Variants in LDLRAD4 observed in about 807,000 individuals in gnomAD.
The protein encoded by LDLRAD4 is low-density lipoprotein receptor class A domain-containing protein 4.
Under a neutral mutation model 17.0 loss-of-function variants are expected in LDLRAD4, and 5 were observed. The ratio of observed to expected loss-of-function variants is 0.29; its 90% CI spans 0.15 to 0.62. The LOEUF is 0.62. Among genes scored for constraint, LDLRAD4 ranks in the 20% least tolerant of loss-of-function variants. LDLRAD4 has a pLI of 0.84. For synonymous variants in LDLRAD4, 168 were observed against 171.8 expected, an observed-to-expected ratio of 0.98 and a Z score of 0.17; for missense variants, 340 against 424.7, an observed-to-expected ratio of 0.80 and a Z score of 1.75.
At position 13,637,828 on chromosome 18, in the gene LDLRAD4, T is replaced by G. The variant is rs940374173; in HGVS notation, c.337-5531T>G. ...TTGCAGTGAGCCAAGATCATGCCACTGCACTCCAGCCTGGGCAACAGAGCA... is the reference window on the plus strand; with the variant it reads ...TTGCAGTGAGCCAAGATCATGCCACGGCACTCCAGCCTGGGCAACAGAGCA... On this transcript the variant is annotated intron_variant, in intron 4 of 5. Transcript: ENST00000359446. Among the ~76,000 whole-genome samples the G allele has an allele frequency of 1.6e-4, 24 of 146,384 alleles. 1 individual carries two copies. Among genetic ancestry groups the G allele is most frequent in the African/African-American group, 6.1e-4 (24 of 39,054 alleles).
At chr18:13,234,055 G>A (rs919430666) in intron 1 of LDLRAD4, among the ~76,000 whole-genome samples, 10 of 152,260 alleles carry the variant, frequency 6.6e-5, no homozygotes, top group East Asian at 1.9e-4. Context: ...TCCAGCGTTC[G>A]TCCCAATATG....
chr18:13,230,129 A>G (rs867706004), intron 1 of LDLRAD4, among the ~76,000 whole-genome samples: 1 of 152,134 alleles, frequency 6.6e-6, no homozygotes, highest in Non-Finnish European at 1.5e-5. Context: ...AGGCCGGAGG[A>G]GCTTGTTCAC....
chr18:13,645,559 G>A lies in LDLRAD4; in HGVS notation c.823G>A (p.Ala275Thr), dbSNP rs145573407. ...TTTCCTCCATCACCAGCGCAGCAAC[G>A]CACACAGGGGCAGCAGACTGCAGTT... The change falls in exon 6 of 6, where the codon GCA (alanine) becomes ACA (threonine). Residue 275 changes from alanine to threonine, a missense_variant. Transcript: ENST00000359446. This position sits in a 1 kb window ranked among gnomAD's most constrained non-coding sequence, Gnocchi z 5.7. 4.2e-4 allele frequency: 675 copies of A among 1,607,858 alleles called. No individual in the cohort carries two copies. Among genetic ancestry groups the A allele is most frequent in the South Asian group, 2.3e-3 (203 of 89,992 alleles).
chr18:13,650,364 T>C, exon 6 of LDLRAD4: 1 of 399,538 alleles, frequency 2.5e-6, no homozygotes. Context: ...CTTTCTTCCC[T>C]CTGCGTGTCC....
intron 1 of LDLRAD4, chr18:13,236,318 T>TTTTTTTTC (rs1236383007): frequency 1.3e-5 from 2 of 149,102 alleles, no homozygotes; most frequent in African/African-American, 5.0e-5. Context: ...TTTTTTTTTT[T>TTTTTTTTC]TTTTTTTTGA....
intron 1 of LDLRAD4, among the ~76,000 whole-genome samples, chr18:13,359,038 A>G (rs944758845): frequency 2.0e-5 from 3 of 152,200 alleles, no homozygotes; most frequent in African/African-American, 7.2e-5. Flanking sequence ...AAACCAACAG[A>G]ATCCCACCCC....
chr18:13,515,087 A>G (rs562296375), intron 3 of LDLRAD4: 1 of 152,250 alleles, frequency 6.6e-6, no homozygotes, highest in African/African-American at 2.4e-5. Context: ...ACTGAATTAC[A>G]TAACTGTTAA....
At position 13,482,935 on chromosome 18, in the gene LDLRAD4, G is replaced by T. The variant is rs1263615818; in HGVS notation, c.181+44551G>T. ...TGATTAATATAAATCCTAGGGAGGGGAGTCTAAGACAAATGCATTCCTTCC... is the reference window on the plus strand; with the variant it reads ...TGATTAATATAAATCCTAGGGAGGGTAGTCTAAGACAAATGCATTCCTTCC... On this transcript the variant is annotated intron_variant, in intron 3 of 5. Coordinates refer to ENST00000359446, the Ensembl canonical transcript of LDLRAD4. Among the ~76,000 whole-genome samples the T allele has an allele frequency of 3.3e-5, 5 of 152,256 alleles. No homozygotes were observed. The East Asian group carries it at 9.6e-4, about 29-fold the overall frequency.
chr18:13,642,170 A>G (rs2148980943), intron 4 of LDLRAD4: 2 of 985,516 alleles, frequency 2.0e-6, no homozygotes, highest in African/African-American at 3.5e-5. Flanking sequence ...CGAGTATCTT[A>G]GGAAAGGGCC....
chr18:13,573,286 G>C (rs1040469380), intron 3 of LDLRAD4, among the ~76,000 whole-genome samples: 2 of 151,640 alleles, frequency 1.3e-5, no homozygotes, highest in Admixed American at 1.3e-4. Flanking sequence ...TGTATTTTTA[G>C]TAGAGATGAA....
At chr18:13,520,185 T>C (rs1020522092) in intron 3 of LDLRAD4, 8 of 152,176 alleles carry the variant, frequency 5.3e-5, no homozygotes, top group African/African-American at 1.9e-4. Flanking sequence ...GAAGAATTCA[T>C]GGGGATGAGT....
chr18:13,571,683 C>T (rs1041001258), intron 3 of LDLRAD4, among the ~76,000 whole-genome samples: 1 of 152,206 alleles, frequency 6.6e-6, no homozygotes, highest in African/African-American at 2.4e-5. Flanking sequence ...GTTGCCCAGG[C>T]TGGAGTGCAG....
intron 1 of LDLRAD4, among the ~76,000 whole-genome samples, chr18:13,229,771 C>T (rs542830274): frequency 2.0e-5 from 3 of 152,156 alleles, no homozygotes; most frequent in African/African-American, 7.2e-5. Context: ...AGGACGTCCA[C>T]GCACTAGGCA....
chr18:13,319,121 C>G (rs2081085139), intron 1 of LDLRAD4, among the ~76,000 whole-genome samples: 1 of 152,196 alleles, frequency 6.6e-6, no homozygotes, highest in African/African-American at 2.4e-5. Context: ...TCATGAAGCC[C>G]TTTATACCTA....
chr18:13,636,828 G>C (rs1012639269), intron 4 of LDLRAD4, among the ~76,000 whole-genome samples: 1 of 144,354 alleles, frequency 6.9e-6, no homozygotes, highest in Non-Finnish European at 1.5e-5. Flanking sequence ...ATGGAGTCTC[G>C]CTCTTGTCGC....
intron 4 of LDLRAD4, chr18:13,642,353 C>G: frequency 9.9e-7 from 1 of 1,012,852 alleles, no homozygotes; most frequent in Non-Finnish European, 1.2e-6. Flanking sequence ...GCCCCGCGGA[C>G]CCTGCTGACA....
intron 3 of LDLRAD4, among the ~76,000 whole-genome samples, chr18:13,453,798 C>A (rs564752115): frequency 6.1e-4 from 93 of 152,230 alleles, no homozygotes; most frequent in Non-Finnish European, 1.0e-3. Context: ...CATTACCTCC[C>A]AGCCCCGTCC....
chr18:13,556,391 A>T (rs1347401795), intron 3 of LDLRAD4, among the ~76,000 whole-genome samples: 2 of 152,234 alleles, frequency 1.3e-5, no homozygotes, highest in African/African-American at 4.8e-5. Flanking sequence ...CAGTGAAGAC[A>T]CATGATTACC....
chr18:13,468,486 A>C (rs186312084), intron 3 of LDLRAD4, among the ~76,000 whole-genome samples: 11 of 152,216 alleles, frequency 7.2e-5, no homozygotes, highest in Non-Finnish European at 1.6e-4. Flanking sequence ...TTGACCCAGC[A>C]ATCCCATTAC....
Sources: gnomAD v4.1 joint callset for allele counts (sites outside exome capture counted in the v4.1 genomes callset) on GRCh38, gnomAD v4.1.1 for gene constraint, Gnocchi (gnomAD v3.1) non-coding constraint, MANE v1.5 for transcripts, NCBI Gene and HGNC (gene_info 2026-07-23, HGNC 2026-07-21) for gene names.